ARHGEF10L: variants seen among roughly 807,000 people sequenced by gnomAD.
ARHGEF10L encodes rho guanine nucleotide exchange factor 10-like protein.
ARHGEF10L carries 69 observed loss-of-function variants against 141.2 expected under a neutral mutation model. The ratio of observed to expected loss-of-function variants is 0.49; its 90% CI spans 0.40 to 0.60. ARHGEF10L has a LOEUF of 0.60. ARHGEF10L is among the 20% of genes least tolerant of loss of function. The pLI is 0.00. For synonymous variants in ARHGEF10L, 711 were observed against 718.5 expected, an observed-to-expected ratio of 0.99 and a Z score of 0.17; for missense variants, 1,482 against 1,734.3, an observed-to-expected ratio of 0.85 and a Z score of 2.58.
At chr1:17,622,635 A>G (rs1287806561) in intron 11 of ARHGEF10L, among the ~76,000 whole-genome samples, 2 of 152,140 alleles carry the variant, frequency 1.3e-5, no homozygotes, top group Non-Finnish European at 2.9e-5. Context: ...TTGGAGAGTG[A>G]CGCGGGGTGT....
At chr1:17,588,078 T>G (rs1309428580) in intron 3 of ARHGEF10L, among the ~76,000 whole-genome samples, 1 of 152,166 alleles carries the variant, frequency 6.6e-6, no homozygotes, top group Non-Finnish European at 1.5e-5. Context: ...TCTGGGCTCT[T>G]AGAGTCTGTT....
At chr1:17,617,551 G>T (rs2059874535) in intron 9 of ARHGEF10L, among the ~76,000 whole-genome samples, 1 of 152,226 alleles carries the variant, frequency 6.6e-6, no homozygotes, top group Non-Finnish European at 1.5e-5. Flanking sequence ...AGTACAGTGG[G>T]CTCACAGCTG....
chr1:17,612,910 C>T, intron 7 of ARHGEF10L, 148 bp from the exon 8 acceptor site: 1 of 635,920 alleles, frequency 1.6e-6, no homozygotes, highest in South Asian at 1.8e-5. Context: ...CTGCCTGGGA[C>T]CTGGGGTGCC....
At chr1:17,629,930 G>C (rs1031565107) in intron 15 of ARHGEF10L, among the ~76,000 whole-genome samples, 2 of 152,238 alleles carry the variant, frequency 1.3e-5, no homozygotes, top group African/African-American at 2.4e-5. Flanking sequence ...GTAGTGGTTG[G>C]GAAGAGCCGT....
In ARHGEF10L at chr1:17,603,647, G is replaced by A. The variant is rs1052254614; in HGVS notation, c.433+56G>A. 3 of 1,475,386 alleles carry A rather than the reference G, an allele frequency of 2.0e-6. No homozygotes were observed. In the East Asian group the frequency reaches 7.7e-5, roughly 38 times the overall value. 91.4% of individuals were successfully genotyped at this position (1,475,386 alleles called of 1,614,324 possible). On this transcript the variant is annotated intron_variant, in intron 6 of 28. Transcript: ENST00000361221. The surrounding 1 kb of genome is among the most constrained non-coding windows in gnomAD (Gnocchi z 4.8). ...CTTGGGGACAGGGGAGGGAGGCTGG[G>A]ACTGGGGAGGGTTGTCTCTTTCCGT...
chr1:17,694,910 G>T (rs983739008), intron 27 of ARHGEF10L: 1 of 664,558 alleles, frequency 1.5e-6, no homozygotes, highest in Non-Finnish European at 2.8e-6. Flanking sequence ...CAATGCATCC[G>T]TATGGCAGCC....
chr1:17,678,035 G>A (rs2063835389), intron 26 of ARHGEF10L, among the ~76,000 whole-genome samples: 1 of 152,158 alleles, frequency 6.6e-6, no homozygotes, highest in South Asian at 2.1e-4. Flanking sequence ...GCTGTGGGCA[G>A]CCCAGCACGT....
Position 17,632,393 on chromosome 1 carries a change from C to T in ARHGEF10L, c.1657C>T (p.Gln553Ter). The change falls in exon 16 of 29, where the codon CAG becomes TAG. Residue 553 changes from glutamine (Q) to a stop codon, truncating the protein, a stop_gained. Coordinates refer to ENST00000361221, the MANE Select transcript of ARHGEF10L (RefSeq NM_018125.4). LOFTEE classifies it high-confidence loss of function. ...GGAGACCGTGTACGGTGACCGCGGG[C>T]AGCTAATTAAGTCCAAGGAGCGTCG... The part of the protein sequence containing the change: ...LTETVYGDRG[Q>*]LIKSKERRVF... 1.2e-6 allele frequency: 2 copies of T among 1,614,212 alleles called. No individual in the cohort carries two copies. The highest frequency in any genetic ancestry group is 1.7e-6 in the Non-Finnish European group (2 of 1,180,044).
chr1:17,609,973 G>A (rs1033503146), intron 7 of ARHGEF10L, among the ~76,000 whole-genome samples: 5 of 152,206 alleles, frequency 3.3e-5, no homozygotes, highest in Non-Finnish European at 7.3e-5. Context: ...ACCAGATGGG[G>A]CTCTCGAGTC....
At chr1:17,670,611 C>T (rs189672533) in intron 26 of ARHGEF10L, among the ~76,000 whole-genome samples, 55 of 152,384 alleles carry the variant, frequency 3.6e-4, no homozygotes, top group Non-Finnish European at 7.2e-4. Context: ...TGCAAGGCTG[C>T]TCCCTGACAA....
Position 17,673,486 on chromosome 1 carries a change from G to A in ARHGEF10L, c.3009+8891G>A, listed in dbSNP as rs1452563762. On this transcript the variant is annotated intron_variant, in intron 26 of 28. Coordinates refer to ENST00000361221, the MANE Select transcript of ARHGEF10L (RefSeq NM_018125.4). This position sits in a 1 kb window ranked among gnomAD's most constrained non-coding sequence, Gnocchi z 4.1. Reference sequence around the variant, plus strand: ...ATGCAGTGGAGGTCAGGCCCTGGGTGTAATTAGGGAGGCTCCCTCCCTGGG... The same window carrying A: ...ATGCAGTGGAGGTCAGGCCCTGGGTATAATTAGGGAGGCTCCCTCCCTGGG... Among the ~76,000 whole-genome samples the A allele has an allele frequency of 2.6e-5, 4 of 152,224 alleles. No individual in the cohort carries two copies. Among genetic ancestry groups the A allele is most frequent in the African/African-American group, 7.2e-5 (3 of 41,446 alleles).
chr1:17,583,399 G>A (rs1040395043), intron 2 of ARHGEF10L, among the ~76,000 whole-genome samples: 7 of 152,022 alleles, frequency 4.6e-5, no homozygotes, highest in African/African-American at 1.7e-4. Flanking sequence ...ATACGACAGT[G>A]ATGATGTAAC....
intron 25 of ARHGEF10L, among the ~76,000 whole-genome samples, chr1:17,661,975 C>T (rs1344709189): frequency 1.3e-5 from 2 of 152,206 alleles, no homozygotes; most frequent in South Asian, 2.1e-4. Context: ...CCTGTCACCC[C>T]TTGGGTGTCT....
At chr1:17,631,891 G>T (rs1161417569) in intron 15 of ARHGEF10L, among the ~76,000 whole-genome samples, 2 of 152,254 alleles carry the variant, frequency 1.3e-5, no homozygotes, top group African/African-American at 4.8e-5. Context: ...CTTGGTAGCT[G>T]AGTAAACTAA....
chr1:17,604,100 A>G (rs2080955923), intron 6 of ARHGEF10L, among the ~76,000 whole-genome samples: 1 of 152,114 alleles, frequency 6.6e-6, no homozygotes, highest in African/African-American at 2.4e-5. Context: ...TTCATTGGCA[A>G]TTAACAGGAA....
chr1:17,640,658 ATGG>A (rs1288381331), intron 21 of ARHGEF10L, among the ~76,000 whole-genome samples: 10 of 152,176 alleles, frequency 6.6e-5, no homozygotes, highest in Admixed American at 3.3e-4. Flanking sequence ...CTAAAATTAG[ATGG>A]TGGTGATTGC....
At chr1:17,579,570 T>C (rs1478174744) in intron 1 of ARHGEF10L, among the ~76,000 whole-genome samples, 1 of 152,248 alleles carries the variant, frequency 6.6e-6, no homozygotes, top group East Asian at 1.9e-4. Flanking sequence ...TCGTTGGCAA[T>C]GCAAGAATGT....
chr1:17,588,878 G>GTGTGTGTGTGTGTGTC (rs2079271043), intron 4 of ARHGEF10L, among the ~76,000 whole-genome samples: 3 of 82,302 alleles, frequency 3.6e-5, no homozygotes, highest in Non-Finnish European at 7.1e-5. Context: ...GTGTGTGTGT[G>GTGTGTGTGTGTGTGTC]TGTGTGTGTG....
rs2059991799 is a variant in ARHGEF10L at position 17,619,505 on chromosome 1, A to T, written c.942+60A>T. On this transcript the variant is annotated intron_variant, in intron 10 of 28. Coordinates refer to ENST00000361221, the MANE Select transcript of ARHGEF10L (RefSeq NM_018125.4). This position sits in a 1 kb window ranked among gnomAD's most constrained non-coding sequence, Gnocchi z 5.0. ...GGGGAAGGGGTGGCTTGGGGGTTCC[A>T]GCCTGTTCTCTGGGGCCACGCTTGT... is the stretch of plus-strand genomic sequence containing the variant. 4 of 1,371,392 alleles carry T rather than the reference A, an allele frequency of 2.9e-6. No individual in the cohort carries two copies. In the East Asian group the frequency reaches 1.0e-4, roughly 34 times the overall value. 85.0% of individuals were successfully genotyped at this position (1,371,392 alleles called of 1,614,324 possible). A position where few individuals can be genotyped will look rare whatever the true frequency, so the allele number is the denominator to read the frequency against.
Sources: gnomAD v4.1 joint callset for allele counts (sites outside exome capture counted in the v4.1 genomes callset) on GRCh38, gnomAD v4.1.1 for gene constraint, Gnocchi (gnomAD v3.1) non-coding constraint, MANE v1.5 for transcripts, NCBI Gene and HGNC (gene_info 2026-07-23, HGNC 2026-07-21) for gene names.